The following CHODL variants were observed in gnomAD, a reference collection of about 807,000 sequenced individuals.
The protein encoded by CHODL is chondrolectin.
In CHODL, 29 loss-of-function variants were observed where a neutral mutation model predicts 34.5. That is an observed-to-expected ratio of 0.84 (90% confidence interval 0.63 to 1.15). The LOEUF (loss-of-function observed/expected upper bound fraction) is 1.15, where lower values mean the gene tolerates loss of function less well. Among genes scored for constraint, CHODL ranks in the 50% most tolerant of loss-of-function variants. The pLI, the probability that CHODL is intolerant of heterozygous loss-of-function variation, is 0.00. For synonymous variants in CHODL, 125 were observed against 116.1 expected (o/e 1.08, Z -0.49); for missense variants, 332 against 332.5 (o/e 1.00, Z 0.01).
intron 2 of CHODL, among the ~76,000 whole-genome samples, chr21:18,059,312 T>A (rs2064625930): frequency 6.6e-6 from 1 of 151,924 alleles, no homozygotes; most frequent in Non-Finnish European, 1.5e-5. Context: ...GCTCCAGAGG[T>A]TTGGGGAAAA....
intron 2 of CHODL, among the ~76,000 whole-genome samples, chr21:18,140,975 C>A (rs1271935647): frequency 6.6e-6 from 1 of 151,568 alleles, no homozygotes; most frequent in African/African-American, 2.4e-5. Flanking sequence ...TATCTACATT[C>A]AGTATAACAT....
At chr21:17,973,637 G>A (rs1238904015) in intron 1 of CHODL, among the ~76,000 whole-genome samples, 2 of 150,808 alleles carry the variant, frequency 1.3e-5, no homozygotes, top group Admixed American at 6.6e-5. Context: ...AGCCGGGATG[G>A]TCTCGATCTC....
intron 2 of CHODL, among the ~76,000 whole-genome samples, chr21:18,179,616 G>T (rs1026043018): frequency 6.6e-6 from 1 of 152,134 alleles, no homozygotes; most frequent in African/African-American, 2.4e-5. Context: ...TCCTGTTCTT[G>T]TTGGTATGTA....
chr21:17,991,814 G>A lies in CHODL; in HGVS notation c.-144-36058G>A, dbSNP rs748496432. Among the ~76,000 whole-genome samples the A allele has an allele frequency of 1.4e-4, 21 of 151,978 alleles. 1 individual carries two copies. Among genetic ancestry groups the A allele is most frequent in the Non-Finnish European group, 1.6e-4 (11 of 67,964 alleles). On this transcript the variant is annotated intron_variant, in intron 1 of 6. Coordinates refer to the CHODL transcript ENST00000400127. Reference sequence around the variant, plus strand: ...GCTGTTGTATCCTTTGCTGTACAGAGGCTTTATAGTTTAATATAGTACCAT... The same window carrying A: ...GCTGTTGTATCCTTTGCTGTACAGAAGCTTTATAGTTTAATATAGTACCAT...
At chr21:18,248,987 TAC>T (rs2074195826) in intron 1 of CHODL, among the ~76,000 whole-genome samples, 1 of 112,056 alleles carries the variant, frequency 8.9e-6, no homozygotes, top group African/African-American at 4.1e-5. Flanking sequence ...ATATATATTA[TAC>T]ATATATGTAT....
At chr21:18,005,856 A>G (rs1374327058) in intron 1 of CHODL, among the ~76,000 whole-genome samples, 2 of 152,178 alleles carry the variant, frequency 1.3e-5, no homozygotes, top group Non-Finnish European at 2.9e-5. Flanking sequence ...AGCATCAGGC[A>G]GAATAGCTAA....
At chr21:18,176,833 G>C (rs2073320734) in intron 2 of CHODL, among the ~76,000 whole-genome samples, 1 of 152,042 alleles carries the variant, frequency 6.6e-6, no homozygotes, top group South Asian at 2.1e-4. Context: ...AGGGGTAGGA[G>C]AAGAGAAATT....
intron 2 of CHODL, among the ~76,000 whole-genome samples, chr21:18,121,441 T>A (rs1491785): frequency 6.6e-6 from 1 of 152,092 alleles, no homozygotes; most frequent in East Asian, 1.9e-4. Context: ...TCCAGACTTA[T>A]AGAGCCAACT....
chr21:18,077,052 T>G (rs2146507634), intron 2 of CHODL, among the ~76,000 whole-genome samples: 2 of 152,304 alleles, frequency 1.3e-5, no homozygotes, highest in Middle Eastern at 6.8e-3. Flanking sequence ...GGCCAGAATG[T>G]GAGACTCCTG....
chr21:18,250,743 G>C (rs2074225704), intron 1 of CHODL, among the ~76,000 whole-genome samples: 1 of 151,746 alleles, frequency 6.6e-6, no homozygotes, highest in East Asian at 1.9e-4. Flanking sequence ...ATTGTGAGGG[G>C]GGTAAGAAGA....
intron 2 of CHODL, among the ~76,000 whole-genome samples, chr21:18,037,116 G>A (rs1315270972): frequency 6.6e-6 from 1 of 151,764 alleles, no homozygotes; most frequent in Non-Finnish European, 1.5e-5. Context: ...CAGACAATGG[G>A]GATGAGTAAG....
intron 1 of CHODL, among the ~76,000 whole-genome samples, chr21:17,931,156 T>C (rs955496219): frequency 6.6e-6 from 1 of 152,192 alleles, no homozygotes; most frequent in Non-Finnish European, 1.5e-5. Context: ...CTGGTGCCTG[T>C]GCTCCTCATT....
chr21:18,041,029 C>A (rs770523494), intron 2 of CHODL, among the ~76,000 whole-genome samples: 26 of 151,872 alleles, frequency 1.7e-4, no homozygotes, highest in Non-Finnish European at 1.9e-4. Context: ...CTTTAGCTTG[C>A]TTTTATTGTG....
chr21:18,207,835 TATA>T (rs2073730332), intron 2 of CHODL, among the ~76,000 whole-genome samples: 1 of 151,982 alleles, frequency 6.6e-6, no homozygotes, highest in Non-Finnish European at 1.5e-5. Context: ...GTATTGCAGA[TATA>T]TTTTATTTTA....
At chr21:18,053,201 T>A (rs1405975588) in intron 2 of CHODL, among the ~76,000 whole-genome samples, 2 of 151,900 alleles carry the variant, frequency 1.3e-5, no homozygotes, top group Non-Finnish European at 2.9e-5. Flanking sequence ...TAAAGACTAT[T>A]ATGGACAGCT....
chr21:18,088,565 TTC>T (rs1332648177), intron 2 of CHODL, among the ~76,000 whole-genome samples: 5 of 152,174 alleles, frequency 3.3e-5, no homozygotes, highest in Non-Finnish European at 5.9e-5. Context: ...CCCTGTGGTT[TTC>T]TCTCTTACTG....
At chr21:17,977,829 A>G (rs202415) in intron 1 of CHODL, among the ~76,000 whole-genome samples, 144,893 of 144,902 alleles carry the variant, frequency 1, 72,442 homozygotes, top group Middle Eastern at 1. Context: ...TGAGGCAGGA[A>G]AATCACTTGA....
At chr21:18,071,812 C>T (rs777269673) in intron 2 of CHODL, among the ~76,000 whole-genome samples, 5 of 151,992 alleles carry the variant, frequency 3.3e-5, no homozygotes, top group East Asian at 1.9e-4. Flanking sequence ...ATTTAATATT[C>T]GAATTAAGTT....
At chr21:18,022,347 C>T (rs2064135601) in intron 1 of CHODL, 1 of 152,156 alleles carries the variant, frequency 6.6e-6, no homozygotes, top group Admixed American at 6.5e-5. Context: ...CTCATATTTT[C>T]TTGTCTTTCT....
Sources: gnomAD v4.1 joint callset for allele counts (sites outside exome capture counted in the v4.1 genomes callset) on GRCh38, gnomAD v4.1.1 for gene constraint, MANE v1.5 for transcripts, NCBI Gene and HGNC (gene_info 2026-07-23, HGNC 2026-07-21) for gene names.